Variants in ACSM3 observed in about 807,000 individuals in gnomAD.
ACSM3 encodes acyl-coenzyme A synthetase ACSM3, mitochondrial.
A neutral mutation model predicts 74.1 loss-of-function variants in ACSM3; 61 were observed. The ratio of observed to expected loss-of-function variants is 0.82; its 90% CI spans 0.67 to 1.02. ACSM3 has a LOEUF of 1.02. ACSM3 is among the 50% of genes least tolerant of loss of function. The pLI is 0.00. For missense variants in ACSM3, 660 were observed against 697.0 expected (o/e 0.95, Z 0.60); for synonymous variants, 213 against 241.5 (o/e 0.88, Z 1.09).
chr16:20,785,277 C>T (rs1390207672), intron 8 of ACSM3, among the ~76,000 whole-genome samples, 170 bp downstream of exon 8: 1 of 152,134 alleles, frequency 6.6e-6, no homozygotes, highest in Non-Finnish European at 1.5e-5. Flanking sequence ...GCTCTGTTAA[C>T]AGATAGTTGT....
chr16:20,741,408 G>A (rs1336140323), intron 1 of ACSM3: 8 of 1,395,420 alleles, frequency 5.7e-6, no homozygotes, highest in African/African-American at 2.9e-5. Flanking sequence ...TCACGCCGAC[G>A]ACCCGAGGCG....
intron 6 of ACSM3, 72 bp from the exon 7 acceptor site, chr16:20,781,636 C>A: frequency 9.0e-7 from 1 of 1,110,826 alleles, no homozygotes; most frequent in Non-Finnish European, 1.4e-6. Context: ...AATTGTGCTG[C>A]GTCAACCAAA....
chr16:20,775,212 T>C (rs1322966083), intron 2 of ACSM3, among the ~76,000 whole-genome samples: 2 of 152,118 alleles, frequency 1.3e-5, no homozygotes, highest in African/African-American at 4.8e-5. Flanking sequence ...CAGGGCAAGA[T>C]GTAGTATGGT....
At chr16:20,737,322 G>A (rs761509153) in intron 1 of ACSM3, 4 of 1,565,352 alleles carry the variant, frequency 2.6e-6, no homozygotes, top group East Asian at 2.2e-5. Context: ...AGCTGAGGAG[G>A]ATACCATTAC....
At chr16:20,691,758 T>C (rs770795012) in intron 1 of ACSM3, among the ~76,000 whole-genome samples, 8,141 of 38,428 alleles carry the variant, frequency 0.21, 329 homozygotes, top group Non-Finnish European at 0.33. Flanking sequence ...CCAATGTGTG[T>C]GTGTGTGTGT....
At position 20,770,290 on chromosome 16, in the gene ACSM3, A is replaced by C. The variant is rs752192725; in HGVS notation, c.219+37A>C. 5.2e-6 allele frequency: 8 copies of C among 1,550,866 alleles called. No individual in the cohort carries two copies. In the South Asian group the frequency reaches 6.7e-5, roughly 13 times the overall value. On this transcript the variant is annotated intron_variant, in intron 2 of 13. Coordinates refer to ENST00000289416, the MANE Select transcript of ACSM3 (RefSeq NM_005622.4). The stretch of plus-strand genomic sequence containing the variant: ...GGGCCAGTCAGACCACAATTTCTCA[A>C]CTGGGAGTGATTTTACCCCTAGGTA...
At chr16:20,774,538 GC>G (rs1442698182) in intron 2 of ACSM3, among the ~76,000 whole-genome samples, 5 of 152,220 alleles carry the variant, frequency 3.3e-5, no homozygotes, top group African/African-American at 1.2e-4. Context: ...ACTGCGCCTG[GC>G]CCTATCTATG....
upstream of ACSM3, among the ~76,000 whole-genome samples, chr16:20,760,103 A>G (rs957180869): frequency 3.9e-5 from 6 of 152,208 alleles, no homozygotes; most frequent in African/African-American, 1.4e-4. Context: ...CTTAAAACTG[A>G]CAAAACAGAC....
intron 3 of ACSM3, 57 bp downstream of exon 3, chr16:20,776,106 C>T: frequency 6.5e-7 from 1 of 1,538,342 alleles, no homozygotes; most frequent in Non-Finnish European, 9.0e-7. Context: ...GGAGATTTTC[C>T]AGAACACCTA....
intron 1 of ACSM3, chr16:20,682,580 GAAC>G (rs1054478279): frequency 1.4e-6 from 1 of 714,670 alleles, no homozygotes; most frequent in Non-Finnish European, 2.4e-6. Flanking sequence ...ACAGGCCACA[GAAC>G]AACAGCAGCA....
chr16:20,755,758 T>C (rs2080024595), intron 3 of ACSM3: 3 of 142,222 alleles, frequency 2.1e-5, no homozygotes, highest in Admixed American at 7.1e-5. Flanking sequence ...TAGCATTAGG[T>C]ATATCTCCTA....
chr16:20,689,087 T>G (rs2079606425), intron 1 of ACSM3, among the ~76,000 whole-genome samples: 1 of 150,498 alleles, frequency 6.6e-6, no homozygotes, highest in South Asian at 2.1e-4. Context: ...ATTGATGACA[T>G]CAATAACATA....
upstream of ACSM3, among the ~76,000 whole-genome samples, chr16:20,761,228 C>T (rs1362742850): frequency 6.6e-6 from 1 of 152,192 alleles, no homozygotes; most frequent in African/African-American, 2.4e-5. Context: ...TCTGCCTCAG[C>T]CTCCTCAGCA....
chr16:20,792,134 CT>C lies in ACSM3; in HGVS notation c.1454+8del, dbSNP rs1330945616. Reference sequence around the variant, plus strand: ...TGATGTCATATTATCCTCTGGGTAACTTTCTTTTCCATATGTGCATATGTCT... The same window carrying C: ...TGATGTCATATTATCCTCTGGGTAACTTCTTTTCCATATGTGCATATGTCT... On this transcript the variant is annotated splice_donor_region_variant and intron_variant, in intron 11 of 13. Coordinates refer to ENST00000289416, the MANE Select transcript of ACSM3 (RefSeq NM_005622.4). The C allele has an allele frequency of 7.4e-6, 12 of 1,613,984 alleles. No individual in the cohort carries two copies. The African/African-American group carries it at 1.6e-4, about 22-fold the overall frequency.
intron 1 of ACSM3, chr16:20,721,641 G>A (rs1193681035): frequency 6.6e-6 from 1 of 152,160 alleles, no homozygotes; most frequent in African/African-American, 2.4e-5. Flanking sequence ...TCTAAGAGAA[G>A]GCTAACCAGT....
chr16:20,676,668 G>A (rs2020297433), intron 1 of ACSM3, among the ~76,000 whole-genome samples: 1 of 152,190 alleles, frequency 6.6e-6, no homozygotes, highest in Admixed American at 6.5e-5. Flanking sequence ...GCCCTTATGG[G>A]AAGAGAAGCT....
chr16:20,739,836 A>G (rs2152420502), intron 1 of ACSM3, among the ~76,000 whole-genome samples: 1 of 152,092 alleles, frequency 6.6e-6, no homozygotes, highest in Admixed American at 6.5e-5. Flanking sequence ...AATTAAAAAA[A>G]AAAAAAAAAT....
intron 9 of ACSM3, among the ~76,000 whole-genome samples, chr16:20,788,173 A>T (rs747191777): frequency 2.0e-4 from 31 of 152,174 alleles, no homozygotes; most frequent in Non-Finnish European, 3.8e-4. Flanking sequence ...GGAGAGCCCA[A>T]ACAGGCTTAA....
chr16:20,775,022 C>G (rs1223049476), intron 2 of ACSM3, among the ~76,000 whole-genome samples: 1 of 152,136 alleles, frequency 6.6e-6, no homozygotes. Flanking sequence ...GGGGCAGCCT[C>G]TCTTGATGTG....
Sources: allele counts gnomAD v4.1 joint callset (sites outside exome capture counted in the v4.1 genomes callset), GRCh38; gene constraint gnomAD v4.1.1; transcripts MANE v1.5; gene names NCBI Gene and HGNC (gene_info 2026-07-23, HGNC 2026-07-21).